ZFHX4: variants seen among roughly 807,000 people sequenced by gnomAD.
ZFHX4 encodes zinc finger homeobox protein 4.
A neutral mutation model predicts 267.6 loss-of-function variants in ZFHX4; 56 were observed. The observed-to-expected ratio is 0.21, with a 90% CI of 0.17 to 0.26. The LOEUF is 0.26. Ranked by LOEUF, ZFHX4 falls within the 10% of genes least tolerant of loss-of-function variation. ZFHX4 has a pLI of 1.00. For synonymous variants in ZFHX4, 1,778 were observed against 1,665.6 expected (o/e 1.07, Z -1.64); for missense variants, 4,332 against 4,420.0 (o/e 0.98, Z 0.56).
intron 1 of ZFHX4, among the ~76,000 whole-genome samples, chr8:76,693,031 T>A (rs938062108): frequency 1.3e-5 from 2 of 152,144 alleles, no homozygotes; most frequent in African/African-American, 4.8e-5. Flanking sequence ...GCAATTAGCA[T>A]CTTAACATTT....
At chr8:76,743,577 A>C (rs897287705) in intron 3 of ZFHX4, among the ~76,000 whole-genome samples, 3 of 152,228 alleles carry the variant, frequency 2.0e-5, no homozygotes, top group African/African-American at 7.2e-5. Context: ...AGGCCAAATG[A>C]AATCTGGTAA....
chr8:76,854,880 C>T lies in ZFHX4; in HGVS notation c.7959C>T (p.Phe2653=), dbSNP rs376630991. ...AAAAAAGGGTCGTGCAAGTCTGGTT[C>T]CAGAATACACGAGCGCGGGAGAGGA... ...GLKKRVVQVW[F]QNTRARERKG... is the part of the protein sequence containing the mutation. The change falls in exon 10 of 11, where the codon TTC becomes TTT. Residue 2653 remains phenylalanine, a synonymous_variant. Transcript: ENST00000651372. 5.8e-5 allele frequency: 93 copies of T among 1,612,430 alleles called. 1 individual carries two copies. The highest frequency in any genetic ancestry group is 4.9e-4 in the Middle Eastern group (3 of 6,070).
Position 76,850,317 on chromosome 8 carries a change from G to A in ZFHX4, c.3919G>A (p.Asp1307Asn). ...AGCTGCCTCTGAGAAATCAGAGCGG[G>A]ACACACCTGCAGCCGTGACAGCTGA... ...PAAASEKSER[D>N]TPAAVTAEGS... The change falls in exon 9 of 11, where the codon GAC (aspartate) becomes AAC (asparagine). Residue 1307 changes from aspartate (D) to asparagine (N), a missense_variant. Physicochemically the swap from Asp to Asn is conservative, Grantham distance 23. Transcript: ENST00000651372. The A allele has an allele frequency of 1.2e-6, 2 of 1,613,108 alleles. No individual in the cohort carries two copies. The highest frequency in any genetic ancestry group is 1.7e-6 in the Non-Finnish European group (2 of 1,179,620).
Position 76,863,992 on chromosome 8 carries a change from T to C in ZFHX4, c.10278T>C (p.Cys3426=), listed in dbSNP as rs1359090834. The change falls in exon 11 of 11, where the codon TGT becomes TGC. Residue 3426 remains cysteine (C), a synonymous_variant. Transcript: ENST00000651372. ...CAGTAAATCATCAAAAGTCCTTCTG[T>C]TATTTCGGTCAGCCTTTGATTGACC... The part of the protein sequence containing the change: ...DAAVNHQKSF[C]YFGQPLIDPQ... The C allele has an allele frequency of 6.2e-7, 1 of 1,613,688 alleles. No homozygotes were observed. Among genetic ancestry groups the C allele is most frequent in the Non-Finnish European group, 8.5e-7 (1 of 1,179,780 alleles).
chr8:76,788,153 T>C (rs1382281790), intron 4 of ZFHX4, among the ~76,000 whole-genome samples: 2 of 152,202 alleles, frequency 1.3e-5, no homozygotes, highest in African/African-American at 4.8e-5. Context: ...GATAGTAACA[T>C]AGTTGTCTCC....
chr8:76,707,474 A>T, intron 2 of ZFHX4, 72 bp from the exon 3 acceptor site: 1 of 1,350,892 alleles, frequency 7.4e-7, no homozygotes, highest in Non-Finnish European at 9.8e-7. Flanking sequence ...TCAAGACTTT[A>T]TTTTACAGAT....
intron 4 of ZFHX4, among the ~76,000 whole-genome samples, chr8:76,813,073 T>C (rs185322781): frequency 1.3e-5 from 2 of 152,296 alleles, no homozygotes. Flanking sequence ...TAATATCATA[T>C]ACATATGCAT....
At chr8:76,717,610 TTTTTGAGATAGGG>T (rs1168267407) in intron 3 of ZFHX4, among the ~76,000 whole-genome samples, 1 of 152,252 alleles carries the variant, frequency 6.6e-6, no homozygotes, top group Admixed American at 6.5e-5. Context: ...TCTTTTTCTT[TTTTTGAGATAGGG>T]TCTTGCTCTG....
chr8:76,846,080 T>A (rs1812357058), intron 6 of ZFHX4, among the ~76,000 whole-genome samples: 1 of 152,046 alleles, frequency 6.6e-6, no homozygotes, highest in Non-Finnish European at 1.5e-5. Context: ...TTAATAGGCA[T>A]TTCCAGGATA....
intron 2 of ZFHX4, 147 bp from the exon 3 acceptor site, chr8:76,707,399 T>C (rs1808304440): frequency 4.3e-6 from 3 of 700,044 alleles, no homozygotes; most frequent in Middle Eastern, 4.1e-4. Flanking sequence ...ATGATTGTAA[T>C]TGATCCTGAT....
intron 4 of ZFHX4, among the ~76,000 whole-genome samples, chr8:76,813,161 T>G (rs960863292): frequency 6.6e-6 from 1 of 152,110 alleles, no homozygotes; most frequent in African/African-American, 2.4e-5. Context: ...AATCTTGACT[T>G]TGGGATTTAT....
chr8:76,849,303 T>C (rs1370266254), intron 7 of ZFHX4, among the ~76,000 whole-genome samples, 175 bp downstream of exon 7: 1 of 152,194 alleles, frequency 6.6e-6, no homozygotes, highest in Non-Finnish European at 1.5e-5. Flanking sequence ...TTAACTATGT[T>C]GAAATAGCTA....
In ZFHX4 at chr8:76,769,089, C is replaced by A. The variant is rs982502679; in HGVS notation, c.3094-9119C>A. ...CTCCAGCCTGGGAAACAGAGTAAGA[C>A]CCTGTCTCAATAAAATAAAATAAAG... On this transcript the variant is annotated intron_variant, in intron 3 of 10. Transcript: ENST00000651372. Among the ~76,000 whole-genome samples the A allele has an allele frequency of 2.6e-5, 4 of 151,886 alleles. No individual in the cohort carries two copies. In the East Asian group the frequency reaches 7.8e-4, roughly 30 times the overall value.
chr8:76,843,840 T>C (rs897800462), intron 6 of ZFHX4, among the ~76,000 whole-genome samples: 7 of 152,132 alleles, frequency 4.6e-5, no homozygotes, highest in Non-Finnish European at 1.0e-4. Flanking sequence ...TGTACTTCAG[T>C]CTTTGCATAT....
chr8:76,863,798 G>A lies in ZFHX4; in HGVS notation c.10084G>A (p.Asp3362Asn). Reference sequence around the variant, plus strand: ...AAGTGACCAGCCGCAAAACTCCAACGATGCTTCAGAAACAAAGGAAGACAA... The same window carrying A: ...AAGTGACCAGCCGCAAAACTCCAACAATGCTTCAGAAACAAAGGAAGACAA... ...VESDQPQNSN[D>N]ASETKEDKST... is the part of the protein sequence containing the mutation. Residue 3362 changes from aspartate (D) to asparagine (N), a missense_variant, in exon 11 of 11, where the codon GAT becomes AAT. Transcript: ENST00000651372. 1.9e-6 allele frequency: 3 copies of A among 1,552,212 alleles called. No homozygotes were observed. Among genetic ancestry groups the A allele is most frequent in the Non-Finnish European group, 2.6e-6 (3 of 1,147,230 alleles).
chr8:76,749,575 T>G (rs1328857864), intron 3 of ZFHX4, among the ~76,000 whole-genome samples: 1 of 152,166 alleles, frequency 6.6e-6, no homozygotes, highest in Non-Finnish European at 1.5e-5. Flanking sequence ...ATGATTCTTT[T>G]TGAATGGGGT....
intron 3 of ZFHX4, among the ~76,000 whole-genome samples, chr8:76,768,546 G>A (rs900571002): frequency 2.0e-5 from 3 of 152,138 alleles, no homozygotes; most frequent in African/African-American, 7.2e-5. Flanking sequence ...TTAGATGCCT[G>A]GAGCAGGGAA....
chr8:76,806,717 C>A (rs1811254436), intron 4 of ZFHX4, among the ~76,000 whole-genome samples: 1 of 151,920 alleles, frequency 6.6e-6, no homozygotes, highest in African/African-American at 2.4e-5. Flanking sequence ...TAGTCATTTC[C>A]AAGTGTCCCC....
intron 1 of ZFHX4, among the ~76,000 whole-genome samples, chr8:76,700,382 T>C (rs1808071888): frequency 6.6e-6 from 1 of 152,130 alleles, no homozygotes; most frequent in African/African-American, 2.4e-5. Flanking sequence ...TCACAAACAC[T>C]GTCTCACTGG....
Sources: allele counts gnomAD v4.1 joint callset (sites outside exome capture counted in the v4.1 genomes callset), GRCh38; gene constraint gnomAD v4.1.1; transcripts MANE v1.5; gene names NCBI Gene and HGNC (gene_info 2026-07-23, HGNC 2026-07-21).